The following CADM2 variants were observed in gnomAD, a reference collection of about 807,000 sequenced individuals.
CADM2 encodes cell adhesion molecule 2.
CADM2 carries 12 observed loss-of-function variants against 49.8 expected under a neutral mutation model. The ratio of observed to expected loss-of-function variants is 0.24; its 90% CI spans 0.15 to 0.39. CADM2 has a LOEUF of 0.39. Ranked by LOEUF, CADM2 falls within the 10% of genes least tolerant of loss-of-function variation. The pLI is 1.00. For synonymous variants in CADM2, 214 were observed against 175.4 expected (o/e 1.22, Z -1.74); for missense variants, 378 against 492.3 (o/e 0.77, Z 2.20).
At chr3:85,774,722 A>C (rs913633635) in intron 2 of CADM2, among the ~76,000 whole-genome samples, 11 of 151,696 alleles carry the variant, frequency 7.3e-5, no homozygotes, top group Non-Finnish European at 7.4e-5. Flanking sequence ...CTGCTCTCAT[A>C]ATAGGTCACC....
chr3:85,530,867 T>TACACACACAC lies in CADM2; in HGVS notation c.62-195617_62-195608dup, dbSNP rs71617940. Among the ~76,000 whole-genome samples the TACACACACAC allele has an allele frequency of 3.8e-3, 519 of 136,916 alleles. 4 individuals are homozygous for TACACACACAC. Among genetic ancestry groups the TACACACACAC allele is most frequent in the Admixed American group, 7.9e-3 (107 of 13,600 alleles). The allele number at this position is 136,916 out of a possible 152,430, so 89.8% of individuals were successfully genotyped here. A position where few individuals can be genotyped will look rare whatever the true frequency, so the allele number is the denominator to read the frequency against. ...CAAAATCAAGTGGTTTATGTAAAAA[T>TACACACACAC]ACACACACACACACACACACACACA... On this transcript the variant is annotated intron_variant, in intron 1 of 9. Transcript: ENST00000383699.
At chr3:85,269,267 G>A (rs1003634470) in intron 1 of CADM2, among the ~76,000 whole-genome samples, 3 of 151,048 alleles carry the variant, frequency 2.0e-5, no homozygotes. Context: ...CAAATGTCAC[G>A]GAATTATTTT....
At chr3:85,053,078 G>GT (rs2035946021) in intron 1 of CADM2, among the ~76,000 whole-genome samples, 1 of 151,966 alleles carries the variant, frequency 6.6e-6, no homozygotes, top group African/African-American at 2.4e-5. Context: ...AGATTTTCCA[G>GT]TGGAATATCA....
chr3:85,310,916 TG>T (rs1367001926), intron 1 of CADM2, among the ~76,000 whole-genome samples: 17 of 152,182 alleles, frequency 1.1e-4, no homozygotes, highest in African/African-American at 3.6e-4. Context: ...GTTCTCATAA[TG>T]AAGGGAGTGT....
At position 85,452,628 on chromosome 3, in the gene CADM2, A is replaced by G. The variant is rs146472637; in HGVS notation, c.62-273894A>G. ...CAAACCATCAGTCTTTGTTCTTTGA[A>G]AGAGCTTTTTGCAAATTCTCTTTCG... On this transcript the variant is annotated intron_variant, in intron 1 of 9. Transcript: ENST00000383699. 1.9e-3 allele frequency among the ~76,000 whole-genome samples: 283 copies of G among 152,280 alleles called. 3 individuals carry two copies. Among genetic ancestry groups the G allele is most frequent in the African/African-American group, 6.6e-3 (274 of 41,554 alleles).
At chr3:85,804,880 G>T (rs1016505461) in intron 3 of CADM2, among the ~76,000 whole-genome samples, 1 of 152,132 alleles carries the variant, frequency 6.6e-6, no homozygotes. Context: ...ATATATTCCT[G>T]CATCTTTACA....
chr3:85,027,201 G>A (rs551737797), intron 1 of CADM2, among the ~76,000 whole-genome samples: 54 of 127,000 alleles, frequency 4.3e-4, no homozygotes, highest in Non-Finnish European at 6.4e-4. Context: ...TGCAACCTCC[G>A]CCTCCCGGGT....
chr3:85,976,371 G>A (rs1726782826), intron 8 of CADM2, among the ~76,000 whole-genome samples: 2 of 151,466 alleles, frequency 1.3e-5, no homozygotes, highest in Non-Finnish European at 3.0e-5. Flanking sequence ...GAAGACAGAC[G>A]TTTCATACAA....
intron 3 of CADM2, among the ~76,000 whole-genome samples, chr3:85,874,776 A>G (rs989738999): frequency 7.9e-5 from 12 of 152,166 alleles, no homozygotes; most frequent in Non-Finnish European, 1.8e-4. Context: ...TTGAAGAAGG[A>G]AACAAAATAT....
At position 85,435,644 on chromosome 3, in the gene CADM2, G is replaced by A. The variant is rs571740726; in HGVS notation, c.62-290878G>A. Among the ~76,000 whole-genome samples the A allele has an allele frequency of 2.6e-5, 4 of 152,208 alleles. No individual in the cohort carries two copies. The East Asian group carries it at 5.8e-4, about 22-fold the overall frequency. ...TCACCCTCCCACTAGCAGTATAAAA[G>A]CATTCCTATTTCTCCACATCCTCCC... On this transcript the variant is annotated intron_variant, in intron 1 of 9. Transcript: ENST00000383699.
Position 85,631,379 on chromosome 3 carries a change from T to C in CADM2, c.62-95143T>C, listed in dbSNP as rs1440385654. Among the ~76,000 whole-genome samples, 7 of 152,206 alleles carry C rather than the reference T, an allele frequency of 4.6e-5. No homozygotes were observed. In the East Asian group the frequency reaches 1.4e-3, roughly 29 times the overall value. On this transcript the variant is annotated intron_variant, in intron 1 of 9. Coordinates refer to ENST00000383699, the MANE Select transcript of CADM2 (RefSeq NM_001167675.2). The stretch of plus-strand genomic sequence containing the variant: ...TTGAAAACAAATACACTGTATGTAA[T>C]TGAAACTCTATTGATACTCTTATTC...
chr3:85,432,597 G>A (rs1309297286), intron 1 of CADM2, among the ~76,000 whole-genome samples: 3 of 152,040 alleles, frequency 2.0e-5, no homozygotes, highest in African/African-American at 7.2e-5. Context: ...ATTTTTAGTA[G>A]CAGTAACAGA....
chr3:85,930,506 C>T (rs1720452752), intron 6 of CADM2, among the ~76,000 whole-genome samples: 1 of 152,112 alleles, frequency 6.6e-6, no homozygotes, highest in Non-Finnish European at 1.5e-5. Flanking sequence ...TTACTATTGA[C>T]TATAGTCACT....
chr3:85,017,389 C>T (rs2034299003), intron 1 of CADM2, among the ~76,000 whole-genome samples: 1 of 152,040 alleles, frequency 6.6e-6, no homozygotes, highest in Non-Finnish European at 1.5e-5. Context: ...AAAAATATTC[C>T]CAGCTCGAGG....
chr3:85,640,590 T>A (rs2064680310), intron 1 of CADM2, among the ~76,000 whole-genome samples: 1 of 152,122 alleles, frequency 6.6e-6, no homozygotes. Flanking sequence ...ACGTTTGGTA[T>A]GTCAGGAGCC....
At position 85,438,187 on chromosome 3, in the gene CADM2, AT is replaced by A. The variant is rs1420975146; in HGVS notation, c.62-288330del. On this transcript the variant is annotated intron_variant, in intron 1 of 9. Coordinates refer to ENST00000383699, the MANE Select transcript of CADM2 (RefSeq NM_001167675.2). The stretch of plus-strand genomic sequence containing the variant: ...TAATCACTAAAAATCTATCCAAAAT[AT>A]TTTTATTACCAAATTCATACCATGA... Among the ~76,000 whole-genome samples, 4 of 152,084 alleles carry A rather than the reference AT, an allele frequency of 2.6e-5. No homozygotes were observed. In the East Asian group the frequency reaches 5.8e-4, roughly 22 times the overall value.
chr3:85,108,534 G>C (rs1398347253), intron 1 of CADM2, among the ~76,000 whole-genome samples: 1 of 152,076 alleles, frequency 6.6e-6, no homozygotes, highest in African/African-American at 2.4e-5. Flanking sequence ...CCAGAGGCTG[G>C]GTGAGGAGAT....
At chr3:85,008,513 C>T (rs974845256) in intron 1 of CADM2, among the ~76,000 whole-genome samples, 1 of 152,030 alleles carries the variant, frequency 6.6e-6, no homozygotes, top group South Asian at 2.1e-4. Context: ...AGATTGTAAA[C>T]TTCACTGGAA....
chr3:85,541,623 T>C (rs1299713841), intron 1 of CADM2, among the ~76,000 whole-genome samples: 1 of 148,708 alleles, frequency 6.7e-6, no homozygotes, highest in Non-Finnish European at 1.5e-5. Context: ...AATTACTTCT[T>C]CCTCTACACA....
Sources: allele counts gnomAD v4.1 joint callset (sites outside exome capture counted in the v4.1 genomes callset), GRCh38; gene constraint gnomAD v4.1.1; transcripts MANE v1.5; gene names NCBI Gene and HGNC (gene_info 2026-07-23, HGNC 2026-07-21).